The following SOCS2 variants were observed in gnomAD, a reference collection of about 807,000 sequenced individuals.
SOCS2 encodes the protein suppressor of cytokine signaling 2, also known as CIS-2.
A neutral mutation model predicts 18.6 loss-of-function variants in SOCS2; 10 were observed. The ratio of observed to expected loss-of-function variants is 0.54; its 90% confidence interval spans 0.33 to 0.91. The LOEUF is 0.91. SOCS2 is among the 40% of genes least tolerant of loss of function. The pLI is 0.02. For synonymous variants in SOCS2, 104 were observed against 104.0 expected, an observed-to-expected ratio of 1.00 and a Z score of 0.00; for missense variants, 231 against 247.2, an observed-to-expected ratio of 0.93 and a Z score of 0.44.
chr12:93,607,081 C>T, the SOCS2 span, among the ~76,000 whole-genome samples: 279 of 152,314 alleles, frequency 1.8e-3, 1 homozygote, highest in African/African-American at 6.2e-3. Context: ...CAGATTATAC[C>T]TGGCTTCTGG....
chr12:93,572,387 C>T (rs1468025873), upstream of SOCS2: 1 of 328,818 alleles, frequency 3.0e-6, no homozygotes, highest in African/African-American at 2.2e-5. The surrounding 1 kb of genome is among the most constrained non-coding windows in gnomAD (Gnocchi z 5.0). Context: ...TGACTATTTG[C>T]TCTTCCTAGG....
chr12:93,573,047 G>A lies in SOCS2; in HGVS notation c.139+11G>A. 1 of 1,558,154 alleles carries A rather than the reference G, an allele frequency of 6.4e-7. No individual in the cohort carries two copies. The highest frequency in any genetic ancestry group is 8.6e-7 in the Non-Finnish European group (1 of 1,157,432). ...AGCTCGGTCAGACAGGTAGGGAGCC[G>A]ATCGGCCGCGACGCGTGCGGGAGGG... On this transcript the variant is annotated intron_variant, in intron 1 of 1. Transcript: ENST00000551556.
intron 1 of SOCS2, chr12:93,574,480 G>A (rs1316739): frequency 0.25 from 91,961 of 362,126 alleles, 12,864 homozygotes; most frequent in East Asian, 0.46. Context: ...TCAGAAAGTT[G>A]ATTTTTTAAA....
At chr12:93,610,402 A>G in the SOCS2 span, among the ~76,000 whole-genome samples, 1 of 152,162 alleles carries the variant, frequency 6.6e-6, no homozygotes, top group East Asian at 1.9e-4. Context: ...ATTCTGATTC[A>G]TCAGGTCTGA....
chr12:93,577,772 T>C (rs185601478), downstream of SOCS2, among the ~76,000 whole-genome samples: 10 of 152,300 alleles, frequency 6.6e-5, no homozygotes, highest in African/African-American at 2.2e-4. Flanking sequence ...TAATGACTGC[T>C]GTGCAGGTGG....
chr12:93,572,941 G>T lies in SOCS2; in HGVS notation c.44G>T (p.Gly15Val). ...CLEPSGNGGE[G>V]TRSQWGTAGS... ...GAGCCCTCCGGGAATGGCGGGGAAG[G>T]GACGCGGAGCCAGTGGGGGACCGCG... The change falls in exon 1 of 2, where the codon GGG becomes GTG. Residue 15 changes from glycine to valine, a missense_variant. Coordinates refer to ENST00000551556, the MANE Select transcript of SOCS2 (RefSeq NM_001270471.2). This position sits in a 1 kb window ranked among gnomAD's most constrained non-coding sequence, Gnocchi z 5.0. The T allele has an allele frequency of 6.4e-7, 1 of 1,570,140 alleles. No homozygotes were observed. Among genetic ancestry groups the T allele is most frequent in the Non-Finnish European group, 8.6e-7 (1 of 1,156,914 alleles).
the SOCS2 span, among the ~76,000 whole-genome samples, chr12:93,606,991 A>G: frequency 6.6e-6 from 1 of 152,182 alleles, no homozygotes; most frequent in African/African-American, 2.4e-5. Context: ...ACACTTATTT[A>G]GCAGTGGGTA....
At chr12:93,604,646 TTTTC>T in the SOCS2 span, among the ~76,000 whole-genome samples, 1 of 152,096 alleles carries the variant, frequency 6.6e-6, no homozygotes. Flanking sequence ...GGTTTTTTCT[TTTTC>T]TTTGCTTTTA....
chr12:93,589,220 C>T, the SOCS2 span, among the ~76,000 whole-genome samples: 3 of 152,150 alleles, frequency 2.0e-5, no homozygotes, highest in Admixed American at 2.0e-4. Context: ...AGTCTGCGAC[C>T]CCATCATATA....
the SOCS2 span, among the ~76,000 whole-genome samples, chr12:93,619,312 G>C: frequency 1.3e-5 from 2 of 152,158 alleles, no homozygotes; most frequent in Admixed American, 6.6e-5. Flanking sequence ...GAGAGCAAGA[G>C]AGCCTTACAC....
chr12:93,583,718 C>A (rs1159371645), downstream of SOCS2, among the ~76,000 whole-genome samples: 1 of 152,268 alleles, frequency 6.6e-6, no homozygotes, highest in Non-Finnish European at 1.5e-5. Context: ...TGACAGGCAA[C>A]CATTCTATAA....
At chr12:93,590,843 A>G in the SOCS2 span, among the ~76,000 whole-genome samples, 2 of 148,754 alleles carry the variant, frequency 1.3e-5, no homozygotes, top group Non-Finnish European at 3.0e-5. Flanking sequence ...CAGTGTACAC[A>G]TGAAAAGTAC....
chr12:93,591,618 C>T, the SOCS2 span, among the ~76,000 whole-genome samples: 1 of 152,164 alleles, frequency 6.6e-6, no homozygotes, highest in Non-Finnish European at 1.5e-5. Flanking sequence ...TTGTCTGTGG[C>T]CAGGGTAGAG....
chr12:93,620,778 G>C, the SOCS2 span, among the ~76,000 whole-genome samples: 1 of 152,206 alleles, frequency 6.6e-6, no homozygotes, highest in Non-Finnish European at 1.5e-5. Flanking sequence ...GGAATGCTTA[G>C]TGAAGATTTG....
exon 2 of SOCS2, chr12:93,583,057 T>A (rs1954561402): frequency 6.6e-6 from 1 of 151,808 alleles, no homozygotes; most frequent in African/African-American, 2.4e-5. Flanking sequence ...AAGAATTTTG[T>A]GTTTTCTTTT....
chr12:93,591,159 T>C, the SOCS2 span, among the ~76,000 whole-genome samples: 1 of 151,924 alleles, frequency 6.6e-6, no homozygotes, highest in Admixed American at 6.6e-5. Context: ...ATCCAGCTTG[T>C]TCGGGAGACT....
chr12:93,598,296 C>T, the SOCS2 span, among the ~76,000 whole-genome samples: 6 of 152,050 alleles, frequency 3.9e-5, 1 homozygote, highest in East Asian at 1.2e-3. Flanking sequence ...GTGTAGACTC[C>T]AGGGAGGAAG....
chr12:93,592,595 C>T, the SOCS2 span, among the ~76,000 whole-genome samples: 1 of 152,200 alleles, frequency 6.6e-6, no homozygotes, highest in African/African-American at 2.4e-5. Flanking sequence ...AGGTTGTTCC[C>T]ATGCATATTT....
At chr12:93,614,610 T>TCTTTCTTC in the SOCS2 span, among the ~76,000 whole-genome samples, 1 of 129,374 alleles carries the variant, frequency 7.7e-6, no homozygotes, top group Admixed American at 8.5e-5. Flanking sequence ...TTTCTTTCTT[T>TCTTTCTTC]CTTTCTTTCT....
Sources: gnomAD v4.1 joint callset for allele counts (sites outside exome capture counted in the v4.1 genomes callset) on GRCh38, gnomAD v4.1.1 for gene constraint, Gnocchi (gnomAD v3.1) non-coding constraint, MANE v1.5 for transcripts, NCBI Gene and HGNC (gene_info 2026-07-23, HGNC 2026-07-21) for gene names.